Variants in PITPNC1 observed in about 807,000 individuals in gnomAD.
PITPNC1 encodes cytoplasmic phosphatidylinositol transfer protein 1.
A neutral mutation model predicts 44.7 loss-of-function variants in PITPNC1; 18 were observed. That is an observed-to-expected ratio of 0.40 (90% CI 0.28 to 0.60). PITPNC1 has a LOEUF of 0.60. Ranked by LOEUF, PITPNC1 falls within the 20% of genes least tolerant of loss-of-function variation. PITPNC1 has a pLI of 0.39. For synonymous variants in PITPNC1, 141 were observed against 149.6 expected (o/e 0.94, Z 0.42); for missense variants, 290 against 418.4 (o/e 0.69, Z 2.68).
intron 2 of PITPNC1, among the ~76,000 whole-genome samples, chr17:67,547,968 C>T (rs1030953002): frequency 2.6e-5 from 4 of 152,070 alleles, no homozygotes; most frequent in South Asian, 2.1e-4. Flanking sequence ...TGGTGGGGGG[C>T]GGCTATCCTG....
intron 4 of PITPNC1, among the ~76,000 whole-genome samples, chr17:67,563,737 G>T (rs1298029461): frequency 2.0e-5 from 3 of 152,218 alleles, no homozygotes; most frequent in Non-Finnish European, 4.4e-5. Flanking sequence ...GAATAAGTGT[G>T]ATGTATGTGG....
intron 1 of PITPNC1, among the ~76,000 whole-genome samples, chr17:67,391,532 G>T (rs2038139438): frequency 6.6e-6 from 1 of 152,078 alleles, no homozygotes; most frequent in Non-Finnish European, 1.5e-5. Context: ...CCAGGCTGGA[G>T]TGCAGTGGTG....
chr17:67,526,974 C>G (rs1205478125), intron 1 of PITPNC1, among the ~76,000 whole-genome samples: 1 of 152,064 alleles, frequency 6.6e-6, no homozygotes, highest in Non-Finnish European at 1.5e-5. Flanking sequence ...GAGGTTCAGT[C>G]TGCAGCATGG....
intron 1 of PITPNC1, among the ~76,000 whole-genome samples, chr17:67,427,364 C>G (rs538993642): frequency 6.6e-6 from 1 of 152,218 alleles, no homozygotes; most frequent in African/African-American, 2.4e-5. Context: ...GCGCCCGCAA[C>G]CACGCCCGGC....
intron 5 of PITPNC1, 59 bp downstream of exon 5, chr17:67,578,316 T>TTC (rs1258572963): frequency 8.5e-7 from 1 of 1,173,300 alleles, no homozygotes; most frequent in African/African-American, 1.5e-5. Flanking sequence ...ATCACAGCAC[T>TTC]TCTCACAGCC....
intron 1 of PITPNC1, among the ~76,000 whole-genome samples, chr17:67,458,669 A>G (rs1442535597): frequency 6.6e-6 from 1 of 152,114 alleles, no homozygotes; most frequent in African/African-American, 2.4e-5. Flanking sequence ...CTGGAGCTCT[A>G]ATAATCTTGT....
intron 1 of PITPNC1, chr17:67,379,409 A>G (rs1567968040): frequency 1.0e-6 from 1 of 981,002 alleles, no homozygotes; most frequent in East Asian, 1.1e-4. Flanking sequence ...CCCAAGTACA[A>G]TCCAAGACAA....
intron 8 of PITPNC1, among the ~76,000 whole-genome samples, chr17:67,681,608 CAAAAAAAAAAAA>C (rs5821459): frequency 2.7e-5 from 1 of 36,416 alleles, no homozygotes; most frequent in Non-Finnish European, 5.0e-5. Context: ...AACCCTATCT[CAAAAAAAAAAAA>C]AAAAAAAAAA....
chr17:67,501,337 C>G (rs2040027159), intron 1 of PITPNC1, among the ~76,000 whole-genome samples: 1 of 152,310 alleles, frequency 6.6e-6, no homozygotes, highest in East Asian at 1.9e-4. Context: ...GCTGTAGATG[C>G]ACTCCGGGTT....
chr17:67,688,338 C>CAAA lies in PITPNC1; in HGVS notation c.683-4223_683-4221dup, dbSNP rs56938476. Among the ~76,000 whole-genome samples, 26 of 54,362 alleles carry CAAA rather than the reference C, an allele frequency of 4.8e-4. 6 individuals carry two copies. The highest frequency in any genetic ancestry group is 2.0e-3 in the South Asian group (3 of 1,534). The allele number at this position is 54,362 out of a possible 152,430, so 35.7% of individuals were successfully genotyped here. On this transcript the variant is annotated intron_variant, in intron 8 of 8. Transcript: ENST00000581322. ...GGGCAACAAGAGCAAAATTCTGTCT[C>CAAA]AAAAAAAAAAAAATCAATGCTGTAG...
intron 5 of PITPNC1, among the ~76,000 whole-genome samples, chr17:67,620,520 T>C (rs2041815752): frequency 6.6e-6 from 1 of 152,102 alleles, no homozygotes; most frequent in African/African-American, 2.4e-5. Context: ...CCCTTCTCTA[T>C]CCCTGCTGCA....
chr17:67,575,121 A>G (rs905283455), intron 4 of PITPNC1, among the ~76,000 whole-genome samples: 1 of 151,632 alleles, frequency 6.6e-6, no homozygotes, highest in African/African-American at 2.4e-5. Context: ...CACGCTCCAC[A>G]ACTCTGTACT....
chr17:67,498,831 C>T (rs1021449306), intron 1 of PITPNC1, among the ~76,000 whole-genome samples: 4 of 150,138 alleles, frequency 2.7e-5, no homozygotes, highest in Non-Finnish European at 5.9e-5. Context: ...CTCATGTACT[C>T]ACTAGTCACT....
rs2041981004 is a variant in PITPNC1 at position 67,632,300 on chromosome 17, CT to C, written c.462+64del. 3 of 1,045,412 alleles carry C rather than the reference CT, an allele frequency of 2.9e-6. No individual in the cohort carries two copies. The South Asian group carries it at 3.9e-5, about 14-fold the overall frequency. The allele number at this position is 1,045,412 out of a possible 1,614,324, so 64.8% of individuals were successfully genotyped here. A position where few individuals can be genotyped will look rare whatever the true frequency, so the allele number is the denominator to read the frequency against. ...TCATTCATTCATTCCACAACTATTTCTTAAGTGCCTCCTAACTTGGGAGGAT... is the reference window on the plus strand; with the variant it reads ...TCATTCATTCATTCCACAACTATTTCTAAGTGCCTCCTAACTTGGGAGGAT... On this transcript the variant is annotated intron_variant, in intron 6 of 8. Transcript: ENST00000581322.
intron 1 of PITPNC1, among the ~76,000 whole-genome samples, chr17:67,421,113 G>T (rs976898006): frequency 1.3e-5 from 2 of 152,062 alleles, no homozygotes; most frequent in Admixed American, 1.3e-4. Context: ...TTCCAGGTAG[G>T]CTGAGAGAAA....
chr17:67,681,634 ATC>A (rs1299212194), intron 8 of PITPNC1, among the ~76,000 whole-genome samples: 93 of 124,108 alleles, frequency 7.5e-4, no homozygotes, highest in African/African-American at 2.5e-3. Context: ...AAAAAAAAAA[ATC>A]AGTCACTCAA....
At chr17:67,577,128 T>A (rs1276165470) in intron 4 of PITPNC1, among the ~76,000 whole-genome samples, 1 of 149,684 alleles carries the variant, frequency 6.7e-6, no homozygotes, top group Non-Finnish European at 1.5e-5. Flanking sequence ...ACCAAAAAAA[T>A]TTTAAAAATC....
At chr17:67,603,493 T>A (rs1297258149) in intron 5 of PITPNC1, among the ~76,000 whole-genome samples, 2 of 152,202 alleles carry the variant, frequency 1.3e-5, no homozygotes, top group Non-Finnish European at 2.9e-5. Context: ...CAACTGACAC[T>A]GAGGCTTAGT....
At chr17:67,442,148 A>G (rs1193218284) in intron 1 of PITPNC1, among the ~76,000 whole-genome samples, 2 of 143,416 alleles carry the variant, frequency 1.4e-5, no homozygotes. Context: ...ATTTATTGCT[A>G]TGTTGATTGC....
Sources: allele counts gnomAD v4.1 joint callset (sites outside exome capture counted in the v4.1 genomes callset), GRCh38; gene constraint gnomAD v4.1.1; transcripts MANE v1.5; gene names NCBI Gene and HGNC (gene_info 2026-07-23, HGNC 2026-07-21).